The following KIRREL2 variants were observed in gnomAD, a reference collection of about 807,000 sequenced individuals.
KIRREL2 encodes kin of IRRE-like protein 2.
KIRREL2 carries 56 observed loss-of-function variants against 73.4 expected under a neutral mutation model. The observed-to-expected ratio is 0.76, with a 90% confidence interval of 0.62 to 0.95. The LOEUF is 0.95. KIRREL2 is among the 40% of genes least tolerant of loss of function. The pLI, the probability that KIRREL2 is intolerant of heterozygous loss-of-function variation, is 0.00. For missense variants in KIRREL2, 896 were observed against 935.0 expected, an observed-to-expected ratio of 0.96 and a Z score of 0.54; for synonymous variants, 407 against 404.0, an observed-to-expected ratio of 1.01 and a Z score of -0.09.
At chr19:35,861,511 C>T (rs375345543) in intron 9 of KIRREL2, 30 bp from the exon 10 acceptor site, 74 of 1,607,260 alleles carry the variant, frequency 4.6e-5, no homozygotes, top group Admixed American at 4.2e-4. Context: ...CAAGACCTCT[C>T]CTCTGAGTGA....
At chr19:35,859,419 A>G (rs1973565785) in intron 4 of KIRREL2, 62 bp from the exon 5 acceptor site, 3 of 1,495,100 alleles carry the variant, frequency 2.0e-6, no homozygotes, top group Non-Finnish European at 2.7e-6. Flanking sequence ...GGCCCAGGAA[A>G]GCCAAAAGAT....
Position 35,861,798 on chromosome 19 carries a change from C to A in KIRREL2, c.1291-7C>A. The stretch of plus-strand genomic sequence containing the variant: ...TCCTCCGTGTCCTCCCTCTTTTGTG[C>A]CCCCAGGTCTGGTCTTGGGATGAGG... On this transcript the variant is annotated splice_region_variant and splice_polypyrimidine_tract_variant and intron_variant, in intron 10 of 14. Transcript: ENST00000360202. 6.3e-7 allele frequency: 1 copy of A among 1,586,612 alleles called. No homozygotes were observed. Among genetic ancestry groups the A allele is most frequent in the African/African-American group, 1.3e-5 (1 of 74,444 alleles).
intron 3 of KIRREL2, 38 bp downstream of exon 3, chr19:35,858,595 A>G: frequency 6.2e-7 from 1 of 1,612,604 alleles, no homozygotes; most frequent in Non-Finnish European, 8.5e-7. Context: ...GGAGCCCAAG[A>G]GGGCAGCCCG....
Position 35,862,522 on chromosome 19 carries a change from G to A in KIRREL2, c.1540G>A (p.Gly514Arg), listed in dbSNP as rs576608443. The A allele has an allele frequency of 2.0e-4, 321 of 1,610,370 alleles. 1 individual carries two copies. The South Asian group carries it at 3.3e-3, about 16-fold the overall frequency. Residue 514 changes from glycine to arginine, a missense_variant, in exon 12 of 15, where the codon GGA becomes AGA. By Grantham distance (125) the Gly-to-Arg change is moderately radical. Transcript: ENST00000360202. ...DLLPTVRIVA[G>R]VAAATTTLLM... ...GCTGCCCACTGTGCGGATAGTGGCC[G>A]GAGTGGCCGCTGCCACCACAACTCT...
intron 2 of KIRREL2, among the ~76,000 whole-genome samples, chr19:35,857,854 C>G (rs1395885909): frequency 6.6e-6 from 1 of 151,632 alleles, no homozygotes; most frequent in African/African-American, 2.4e-5. Flanking sequence ...ACAAATTAGC[C>G]GGGTATGGTG....
At chr19:35,860,704 G>C in intron 7 of KIRREL2, 37 bp downstream of exon 7, 1 of 1,598,550 alleles carries the variant, frequency 6.3e-7, no homozygotes, top group Non-Finnish European at 8.5e-7. Flanking sequence ...GGTCAAAGGT[G>C]GCCGTGGCTT....
At chr19:35,865,113 C>A (rs1045044355) in intron 14 of KIRREL2, among the ~76,000 whole-genome samples, 1 of 151,622 alleles carries the variant, frequency 6.6e-6, no homozygotes, top group Non-Finnish European at 1.5e-5. Flanking sequence ...CATCCCCAGG[C>A]CAGAGCACTT....
chr19:35,860,806 T>C (rs1441029314), intron 7 of KIRREL2, 103 bp from the exon 8 acceptor site: 66 of 1,590,022 alleles, frequency 4.2e-5, no homozygotes, highest in Non-Finnish European at 5.5e-5. Flanking sequence ...CTGGGGCATA[T>C]TCTTGCGCCC....
At chr19:35,864,040 G>A (rs1357352098) in intron 13 of KIRREL2, among the ~76,000 whole-genome samples, 2 of 152,094 alleles carry the variant, frequency 1.3e-5, no homozygotes, top group Non-Finnish European at 2.9e-5. Flanking sequence ...CTCCCAAAGT[G>A]CTGGGATTAC....
Position 35,866,832 on chromosome 19 carries a change from A to G in KIRREL2, c.*340A>G, listed in dbSNP as rs901906635. Reference sequence around the variant, plus strand: ...AGTTGTTTCTAGCCACTGAAAGAAGATATTTCAAGATGACCATCTGCATTG... The same window carrying G: ...AGTTGTTTCTAGCCACTGAAAGAAGGTATTTCAAGATGACCATCTGCATTG... On this transcript the variant is annotated 3_prime_UTR_variant, in exon 15 of 15. Transcript: ENST00000360202. 54 of 437,070 alleles carry G rather than the reference A, an allele frequency of 1.2e-4. 1 individual carries two copies. The South Asian group carries it at 1.5e-3, about 12-fold the overall frequency. The allele number at this position is 437,070 out of a possible 1,614,324, so 27.1% of individuals were successfully genotyped here. A position where few individuals can be genotyped will look rare whatever the true frequency, so the allele number is the denominator to read the frequency against.
Position 35,861,676 on chromosome 19 carries a change from G to C in KIRREL2, c.1290+35G>C, listed in dbSNP as rs200819614. 18 of 1,605,618 alleles carry C rather than the reference G, an allele frequency of 1.1e-5. No homozygotes were observed. The East Asian group carries it at 2.0e-4, about 18-fold the overall frequency. On this transcript the variant is annotated intron_variant, in intron 10 of 14. Transcript: ENST00000360202. ...TGTCACTCCTCCCGTGACCCATCCA[G>C]CCGTGATCCCTGACCTCCCACCTGG...
Position 35,857,386 on chromosome 19 carries a change from G to T in KIRREL2, c.103G>T (p.Val35Leu), listed in dbSNP as rs1316720702. ...HFLQQPEDLV[V>L]LLGEEARLPC... ...CCTGCAACAGCCAGAGGACCTGGTG[G>T]TGCTGCTGGGGGAGGAAGCCCGGCT... The change falls in exon 2 of 15, where the codon GTG (valine) becomes TTG (leucine). Residue 35 changes from valine to leucine, a missense_variant. By Grantham distance (32) the Val-to-Leu change is conservative (BLOSUM62 1). Transcript: ENST00000360202. 6 of 1,613,028 alleles carry T rather than the reference G, an allele frequency of 3.7e-6. No individual in the cohort carries two copies. The South Asian group carries it at 5.5e-5, about 15-fold the overall frequency.
rs1308073881 is a variant in KIRREL2, at chr19:35,857,113, G to A, written c.-7G>A. 19 of 1,613,808 alleles carry A rather than the reference G, an allele frequency of 1.2e-5. No individual in the cohort carries two copies. Among genetic ancestry groups the A allele is most frequent in the Admixed American group, 1.7e-5 (1 of 59,990 alleles). ...CGACGGCAAATCTCGTGAACCTTGG[G>A]GGACGAATGCTCAGGATGCGGGTCC... On this transcript the variant is annotated 5_prime_UTR_variant, in exon 1 of 15. Transcript: ENST00000360202.
chr19:35,851,795 C>G (rs73928330), upstream of KIRREL2: 1,267 of 1,553,412 alleles, frequency 8.2e-4, 7 homozygotes, highest in African/African-American at 0.015. Context: ...GTCAGCAGCC[C>G]CAGGAGCAGG....
chr19:35,858,968 G>A (rs1471831686), intron 4 of KIRREL2, 104 bp downstream of exon 4: 3 of 1,288,160 alleles, frequency 2.3e-6, no homozygotes, highest in East Asian at 4.6e-5. Context: ...GGAGGGCAGA[G>A]GTTCATGGGT....
At chr19:35,860,706 C>A (rs1973631496) in intron 7 of KIRREL2, 39 bp downstream of exon 7, 1 of 1,597,746 alleles carries the variant, frequency 6.3e-7, no homozygotes, top group Non-Finnish European at 8.5e-7. Context: ...TCAAAGGTGG[C>A]CGTGGCTTTC....
upstream of KIRREL2, among the ~76,000 whole-genome samples, chr19:35,854,426 A>G (rs943448827): frequency 6.6e-6 from 1 of 151,256 alleles, no homozygotes; most frequent in East Asian, 2.0e-4. Context: ...GGTTCAGGCG[A>G]TTCTCCTGCC....
Position 35,857,034 on chromosome 19 carries a change from G to T in KIRREL2, c.-86G>T, listed in dbSNP as rs1469342728. On this transcript the variant is annotated 5_prime_UTR_variant, in exon 1 of 15. Transcript: ENST00000360202. ...GAGTCGAGCGTGAAGGGGGCTCCGG[G>T]CCAGGGTGACAGGAGGCGTGCTTGA... 2 of 1,403,458 alleles carry T rather than the reference G, an allele frequency of 1.4e-6. No individual in the cohort carries two copies. The highest frequency in any genetic ancestry group is 2.0e-6 in the Non-Finnish European group (2 of 989,314). The allele number at this position is 1,403,458 out of a possible 1,614,324, so 86.9% of individuals were successfully genotyped here.
At chr19:35,853,837 ATTTTTTT>A (rs759219505), upstream of KIRREL2, among the ~76,000 whole-genome samples, 30 of 69,438 alleles carry the variant, frequency 4.3e-4, no homozygotes, top group African/African-American at 1.3e-3. Context: ...CACTCTGGCT[ATTTTTTT>A]TTTTTTTTTT....
Sources: gnomAD v4.1 joint callset for allele counts (sites outside exome capture counted in the v4.1 genomes callset) on GRCh38, gnomAD v4.1.1 for gene constraint, MANE v1.5 for transcripts, NCBI Gene and HGNC (gene_info 2026-07-23, HGNC 2026-07-21) for gene names.